Variants in RBFOX1 observed in about 807,000 individuals in gnomAD.
The protein encoded by RBFOX1 is RNA binding protein fox-1 homolog 1.
Under a neutral mutation model 57.7 loss-of-function variants are expected in RBFOX1, and 8 were observed. That is an observed-to-expected ratio of 0.14 (90% CI 0.08 to 0.25). The LOEUF (loss-of-function observed/expected upper bound fraction) is 0.25, where lower values mean the gene tolerates loss of function less well. Ranked by LOEUF, RBFOX1 falls within the 10% of genes least tolerant of loss-of-function variation. RBFOX1 has a pLI of 1.00. For missense variants in RBFOX1, 611 were observed against 548.5 expected (o/e 1.11, Z -1.14); for synonymous variants, 326 against 222.4 (o/e 1.47, Z -4.15).
chr16:5,624,283 C>G (rs145220334), intron 3 of RBFOX1, among the ~76,000 whole-genome samples: 1,783 of 152,312 alleles, frequency 0.012, 41 homozygotes, highest in African/African-American at 0.04. Flanking sequence ...CAAGCTCTAC[C>G]TTCTGGGTTC....
intron 3 of RBFOX1, among the ~76,000 whole-genome samples, chr16:6,916,356 C>T (rs115782331): frequency 1.3e-5 from 2 of 152,082 alleles, no homozygotes; most frequent in African/African-American, 4.8e-5. Flanking sequence ...ATGGCTAATG[C>T]TGCTTTGGAC....
At chr16:6,435,811 C>T (rs943586627) in intron 2 of RBFOX1, among the ~76,000 whole-genome samples, 1 of 152,094 alleles carries the variant, frequency 6.6e-6, no homozygotes, top group Non-Finnish European at 1.5e-5. Context: ...GAGCTGGTGC[C>T]TATGTGGTAG....
intron 9 of RBFOX1, among the ~76,000 whole-genome samples, chr16:7,601,572 C>G (rs546443202): frequency 6.6e-6 from 1 of 152,094 alleles, no homozygotes; most frequent in Non-Finnish European, 1.5e-5. Context: ...TTGGGACTAG[C>G]TATTGTTTTC....
At chr16:7,036,759 G>A (rs1439519742) in intron 3 of RBFOX1, among the ~76,000 whole-genome samples, 1 of 151,714 alleles carries the variant, frequency 6.6e-6, no homozygotes, top group African/African-American at 2.4e-5. Flanking sequence ...AGAATTCAGG[G>A]AAGTCCATAG....
chr16:7,580,683 T>C (rs901297809), intron 6 of RBFOX1, among the ~76,000 whole-genome samples: 1 of 152,176 alleles, frequency 6.6e-6, no homozygotes, highest in Non-Finnish European at 1.5e-5. Context: ...GATTATTTTT[T>C]TCTCGAAGAT....
At position 7,215,823 on chromosome 16, in the gene RBFOX1, C is replaced by T. The variant is rs143677187; in HGVS notation, c.27+163725C>T. Among the ~76,000 whole-genome samples, 1,406 of 148,680 alleles carry T rather than the reference C, an allele frequency of 9.5e-3. 31 individuals carry two copies. Among genetic ancestry groups the T allele is most frequent in the African/African-American group, 0.033 (1,318 of 40,134 alleles). On this transcript the variant is annotated intron_variant, in intron 4 of 15. Transcript: ENST00000550418. Reference sequence around the variant, plus strand: ...CACTGCAAGCTCTGCCTCTCGGGTTCACGCCATTCTCCTGCCTCAGCCTCC... The same window carrying T: ...CACTGCAAGCTCTGCCTCTCGGGTTTACGCCATTCTCCTGCCTCAGCCTCC...
chr16:7,377,417 G>A (rs1202206329), intron 4 of RBFOX1, among the ~76,000 whole-genome samples: 1 of 152,160 alleles, frequency 6.6e-6, no homozygotes, highest in African/African-American at 2.4e-5. Flanking sequence ...TGACACACAG[G>A]AAGAGTTTCT....
At chr16:6,405,482 C>T (rs1267089227) in intron 2 of RBFOX1, among the ~76,000 whole-genome samples, 1 of 152,170 alleles carries the variant, frequency 6.6e-6, no homozygotes, top group Non-Finnish European at 1.5e-5. Flanking sequence ...ACACAACTTC[C>T]TTTGTCAGCA....
At chr16:6,768,158 C>T (rs1341822762) in intron 3 of RBFOX1, among the ~76,000 whole-genome samples, 1 of 151,556 alleles carries the variant, frequency 6.6e-6, no homozygotes, top group Non-Finnish European at 1.5e-5. Flanking sequence ...GATTGTAACA[C>T]TGCACTTCAG....
At chr16:6,132,577 A>C (rs2096637186) in intron 1 of RBFOX1, among the ~76,000 whole-genome samples, 1 of 152,210 alleles carries the variant, frequency 6.6e-6, no homozygotes, top group South Asian at 2.1e-4. Context: ...CTCACTGGGG[A>C]ACATAGTCCA....
intron 3 of RBFOX1, among the ~76,000 whole-genome samples, chr16:6,811,975 G>C (rs1362314188): frequency 6.6e-6 from 1 of 152,118 alleles, no homozygotes; most frequent in East Asian, 1.9e-4. Flanking sequence ...TACAGATGTT[G>C]TTTCTCCTCA....
At chr16:6,185,086 A>G (rs1238085761) in intron 1 of RBFOX1, among the ~76,000 whole-genome samples, 1 of 152,170 alleles carries the variant, frequency 6.6e-6, no homozygotes, top group Non-Finnish European at 1.5e-5. Context: ...GAGGTTTGAT[A>G]TGGAGATATA....
At chr16:6,117,773 GCTAT>G (rs1219862722) in intron 1 of RBFOX1, among the ~76,000 whole-genome samples, 5 of 152,274 alleles carry the variant, frequency 3.3e-5, no homozygotes, top group East Asian at 3.9e-4. Context: ...GGAGTAAGAC[GCTAT>G]CTAAGATGAG....
chr16:5,927,395 T>C (rs1208682899), intron 4 of RBFOX1, among the ~76,000 whole-genome samples: 5 of 152,358 alleles, frequency 3.3e-5, no homozygotes, highest in African/African-American at 7.2e-5. Context: ...TAACACTCTA[T>C]GTACGAGTGA....
At chr16:6,602,548 C>T (rs2097865418) in intron 2 of RBFOX1, among the ~76,000 whole-genome samples, 1 of 152,080 alleles carries the variant, frequency 6.6e-6, no homozygotes, top group Non-Finnish European at 1.5e-5. Context: ...ACAGAAAGGC[C>T]ACCTGCAGGA....
chr16:6,814,448 G>C (rs1280544042), intron 3 of RBFOX1, among the ~76,000 whole-genome samples: 1 of 152,142 alleles, frequency 6.6e-6, no homozygotes, highest in Non-Finnish European at 1.5e-5. Flanking sequence ...GAAGCAGGTG[G>C]GTGAACAAGG....
At chr16:6,039,430 C>T (rs2095412245) in intron 1 of RBFOX1, among the ~76,000 whole-genome samples, 1 of 151,318 alleles carries the variant, frequency 6.6e-6, no homozygotes, top group East Asian at 1.9e-4. Flanking sequence ...AGGAAAGAAC[C>T]ATATTTCCCT....
intron 4 of RBFOX1, among the ~76,000 whole-genome samples, chr16:7,074,598 A>T (rs1353864369): frequency 6.6e-6 from 1 of 152,208 alleles, no homozygotes; most frequent in African/African-American, 2.4e-5. Context: ...CAAGCATTTA[A>T]ATACATATAA....
chr16:7,064,467 C>T (rs1374528867), intron 4 of RBFOX1, among the ~76,000 whole-genome samples: 1 of 152,112 alleles, frequency 6.6e-6, no homozygotes, highest in Admixed American at 6.6e-5. Context: ...CCATGCCTGG[C>T]TGGGTGGTGT....
Sources: gnomAD v4.1 joint callset for allele counts (sites outside exome capture counted in the v4.1 genomes callset) on GRCh38, gnomAD v4.1.1 for gene constraint, MANE v1.5 for transcripts, NCBI Gene and HGNC (gene_info 2026-07-23, HGNC 2026-07-21) for gene names.